Variants in GC observed in about 807,000 individuals in gnomAD.
GC encodes the protein GC vitamin D binding protein, also known as vitamin D-binding protein.
A neutral mutation model predicts 56.7 loss-of-function variants in GC; 43 were observed. The ratio of observed to expected loss-of-function variants is 0.76; its 90% CI spans 0.59 to 0.98. GC has a LOEUF of 0.98. Ranked by LOEUF, GC falls within the 50% of genes least tolerant of loss-of-function variation. GC has a pLI of 0.00. For synonymous variants in GC, 216 were observed against 202.7 expected (o/e 1.07, Z -0.56); for missense variants, 529 against 545.9 (o/e 0.97, Z 0.31).
At chr4:71,754,106 A>G (rs188987822) in intron 10 of GC, among the ~76,000 whole-genome samples, 7 of 152,280 alleles carry the variant, frequency 4.6e-5, no homozygotes, top group Admixed American at 3.3e-4. Context: ...TTTTTGTTAC[A>G]TGGATGTATG....
intron 6 of GC, 128 bp from the exon 7 acceptor site, chr4:71,758,299 C>T: frequency 2.8e-6 from 2 of 719,100 alleles, no homozygotes; most frequent in Non-Finnish European, 2.3e-6. Context: ...TGCATGGGAG[C>T]ACATCTGCCA....
Position 71,784,064 on chromosome 4 carries a change from A to G in GC, c.-46T>C, listed in dbSNP as rs1458863177. 6.3e-7 allele frequency: 1 copy of G among 1,575,802 alleles called. No individual in the cohort carries two copies. Among genetic ancestry groups the G allele is most frequent in the Non-Finnish European group, 8.6e-7 (1 of 1,162,044 alleles). On this transcript the variant is annotated 5_prime_UTR_variant, in exon 1 of 13. Coordinates refer to ENST00000273951, the MANE Select transcript of GC (RefSeq NM_000583.4). ...CAGCACCTCCTCTCTCCTGTAGGTG[A>G]CCATGTAAAAGTGGTAGCCAAAAGT...
At chr4:71,780,885 GTA>G (rs1291118461) in intron 1 of GC, among the ~76,000 whole-genome samples, 1 of 152,072 alleles carries the variant, frequency 6.6e-6, no homozygotes, top group Non-Finnish European at 1.5e-5. Flanking sequence ...TTATTACTGG[GTA>G]TATACCCAAA....
At chr4:71,754,554 C>T (rs1277288679) in intron 9 of GC, 46 bp from the exon 10 acceptor site, 2 of 1,002,106 alleles carry the variant, frequency 2.0e-6, no homozygotes, top group Non-Finnish European at 3.1e-6. Flanking sequence ...TGTCTTGAAA[C>T]CTTGTCCCAT....
chr4:71,766,357 C>T (rs1308879411), intron 3 of GC, among the ~76,000 whole-genome samples: 1 of 152,144 alleles, frequency 6.6e-6, no homozygotes, highest in Admixed American at 6.5e-5. Context: ...CACTGATGCA[C>T]CTGCATTTAC....
intron 12 of GC, among the ~76,000 whole-genome samples, chr4:71,742,992 G>C (rs1449410779): frequency 1.3e-5 from 2 of 151,952 alleles, no homozygotes; most frequent in African/African-American, 4.8e-5. Context: ...CAGGGTGGGG[G>C]GTAAGAGACA....
intron 1 of GC, among the ~76,000 whole-genome samples, chr4:71,794,935 C>G (rs949599110): frequency 6.6e-6 from 1 of 152,112 alleles, no homozygotes; most frequent in African/African-American, 2.4e-5. Context: ...CATTCAGGAG[C>G]AGATTGTTCA....
At chr4:71,777,166 A>AT (rs556838591) in intron 1 of GC, among the ~76,000 whole-genome samples, 2 of 151,156 alleles carry the variant, frequency 1.3e-5, no homozygotes, top group Non-Finnish European at 1.5e-5. Context: ...GTTAGCAAGA[A>AT]TTTTTTTTTC....
At chr4:71,769,151 C>G (rs1407726177) in intron 2 of GC, among the ~76,000 whole-genome samples, 180 bp downstream of exon 2, 5 of 152,198 alleles carry the variant, frequency 3.3e-5, no homozygotes, top group Non-Finnish European at 5.9e-5. Flanking sequence ...CAGAGGTCAT[C>G]TGGAATCTCT....
chr4:71,803,359 G>C (rs1035170230), intron 1 of GC, among the ~76,000 whole-genome samples: 1 of 152,120 alleles, frequency 6.6e-6, no homozygotes, highest in African/African-American at 2.4e-5. Flanking sequence ...CCTTTAAAAA[G>C]TGGAACCTCT....
At chr4:71,804,852 A>AG (rs966586667), upstream of GC, among the ~76,000 whole-genome samples, 3 of 149,106 alleles carry the variant, frequency 2.0e-5, no homozygotes, top group African/African-American at 7.4e-5. Flanking sequence ...TTACTGGGGG[A>AG]GGGGGGTCAG....
At chr4:71,772,088 A>T (rs1457917221) in intron 1 of GC, among the ~76,000 whole-genome samples, 2 of 152,152 alleles carry the variant, frequency 1.3e-5, no homozygotes, top group Non-Finnish European at 2.9e-5. Context: ...AAATAACCAT[A>T]TATTGTAAAG....
chr4:71,776,036 C>G (rs1296023637), intron 1 of GC, among the ~76,000 whole-genome samples: 1 of 151,978 alleles, frequency 6.6e-6, no homozygotes, highest in Non-Finnish European at 1.5e-5. Context: ...AAAGGGAACT[C>G]TTTTCCACTG....
At chr4:71,749,107 G>T (rs1216762535) in intron 11 of GC, among the ~76,000 whole-genome samples, 1 of 152,102 alleles carries the variant, frequency 6.6e-6, no homozygotes, top group Non-Finnish European at 1.5e-5. Flanking sequence ...GTTTACAAAG[G>T]CAATCAGAGG....
chr4:71,762,570 G>T (rs1425634586), intron 6 of GC, among the ~76,000 whole-genome samples: 1 of 152,150 alleles, frequency 6.6e-6, no homozygotes, highest in Non-Finnish European at 1.5e-5. Flanking sequence ...ATATGGTTTG[G>T]CTGTGTCCCC....
intron 1 of GC, among the ~76,000 whole-genome samples, chr4:71,794,264 C>T (rs1230506754): frequency 3.9e-5 from 6 of 152,098 alleles, no homozygotes; most frequent in East Asian, 3.9e-4. Flanking sequence ...TGGTAGAATT[C>T]GGCTGTGAAT....
chr4:71,756,859 A>C lies in GC; in HGVS notation c.887T>G (p.Phe296Cys). The C allele has an allele frequency of 2.5e-6, 4 of 1,613,800 alleles. No homozygotes were observed. The highest frequency in any genetic ancestry group is 3.4e-6 in the Non-Finnish European group (4 of 1,179,736). The stretch of plus-strand genomic sequence containing the variant: ...TGTTTTTTCTTGACAACAGTCTTCA[A>C]ACTTAGAATTCTTTGTGGATAAATT... ...CDNLSTKNSK[F>C]EDCCQEKTAM... Residue 296 changes from phenylalanine to cysteine, a missense_variant, in exon 8 of 13, where the codon TTT becomes TGT. Physicochemically the swap from Phe to Cys is radical, Grantham distance 205. Transcript: ENST00000273951.
In GC at chr4:71,741,841, A is replaced by T. The variant is rs1227047252; in HGVS notation, c.*55T>A. 7.1e-6 allele frequency: 5 copies of T among 702,980 alleles called. No individual in the cohort carries two copies. Among genetic ancestry groups the T allele is most frequent in the Non-Finnish European group, 1.3e-5 (5 of 384,980 alleles). 43.5% of individuals were successfully genotyped at this position (702,980 alleles called of 1,614,324 possible). Reference sequence around the variant, plus strand: ...TTTTGCTTAGGTTAGGTCATCAGAGATCATTCCCCTGGGTGGCTCCAACTC... The same window carrying T: ...TTTTGCTTAGGTTAGGTCATCAGAGTTCATTCCCCTGGGTGGCTCCAACTC... On this transcript the variant is annotated 3_prime_UTR_variant, in exon 13 of 13. Transcript: ENST00000273951.
upstream of GC, among the ~76,000 whole-genome samples, chr4:71,804,632 C>T (rs190315311): frequency 8.9e-4 from 136 of 152,136 alleles, 2 homozygotes; most frequent in East Asian, 0.023. Context: ...TCTGCTATGG[C>T]CTCAATTAAT....
Sources: allele counts gnomAD v4.1 joint callset (sites outside exome capture counted in the v4.1 genomes callset), GRCh38; gene constraint gnomAD v4.1.1; transcripts MANE v1.5; gene names NCBI Gene and HGNC (gene_info 2026-07-23, HGNC 2026-07-21).